Variants in GMCL1 observed in about 807,000 individuals in gnomAD.
GMCL1 encodes germ cell-less protein-like 1.
Under a neutral mutation model 75.5 loss-of-function variants are expected in GMCL1, and 54 were observed. The observed-to-expected ratio is 0.71, with a 90% CI of 0.57 to 0.90. The LOEUF (loss-of-function observed/expected upper bound fraction) is 0.90, where lower values mean the gene tolerates loss of function less well. Ranked by LOEUF, GMCL1 falls within the 40% of genes least tolerant of loss-of-function variation. The probability of loss-of-function intolerance (pLI) is 0.00; values close to 1 mark genes in which losing one functional copy is unlikely to be tolerated. For missense variants in GMCL1, 537 were observed against 622.7 expected, an observed-to-expected ratio of 0.86 and a Z score of 1.47; for synonymous variants, 210 against 209.6, an observed-to-expected ratio of 1.00 and a Z score of -0.02.
chr2:69,864,590 C>CTTTTTTTTT (rs534389389), intron 10 of GMCL1, among the ~76,000 whole-genome samples: 1 of 88,352 alleles, frequency 1.1e-5, no homozygotes, highest in African/African-American at 4.2e-5. Flanking sequence ...TAGACTTTTA[C>CTTTTTTTTT]TTTTTTTTTT....
In GMCL1 at chr2:69,881,234, A is replaced by G. The variant is rs1676265811; in HGVS notation, c.*2230A>G. 1 of 152,224 alleles carries G rather than the reference A, an allele frequency of 6.6e-6. No individual in the cohort carries two copies. Among genetic ancestry groups the G allele is most frequent in the Admixed American group, 6.5e-5 (1 of 15,282 alleles). 9.4% of individuals were successfully genotyped at this position (152,224 alleles called of 1,614,324 possible). ...AGTAGGTTAATGTTCTTATTTGAGAAGTTGATAATTGTCAGGTAGTAATTC... is the reference window on the plus strand; with the variant it reads ...AGTAGGTTAATGTTCTTATTTGAGAGGTTGATAATTGTCAGGTAGTAATTC... On this transcript the variant is annotated 3_prime_UTR_variant, in exon 14 of 14. Coordinates refer to ENST00000282570, the MANE Select transcript of GMCL1 (RefSeq NM_178439.5).
intron 9 of GMCL1, among the ~76,000 whole-genome samples, chr2:69,856,753 C>G (rs1382144632): frequency 6.7e-6 from 1 of 148,516 alleles, no homozygotes; most frequent in Non-Finnish European, 1.5e-5. Flanking sequence ...GACCACCGTC[C>G]TAGCCCCCTC....
chr2:69,856,302 A>C (rs969413741), intron 9 of GMCL1, among the ~76,000 whole-genome samples: 1 of 152,232 alleles, frequency 6.6e-6, no homozygotes, highest in Non-Finnish European at 1.5e-5. Flanking sequence ...GTTAACGTTA[A>C]TCAAAGTTAG....
intron 4 of GMCL1, 27 bp from the exon 5 acceptor site, chr2:69,843,122 C>T (rs1675033514): frequency 7.6e-7 from 1 of 1,319,642 alleles, no homozygotes; most frequent in Non-Finnish European, 1.1e-6. Flanking sequence ...TGAAATGGGC[C>T]TTTCCAGTGC....
chr2:69,831,365 TA>T (rs35210190), intron 1 of GMCL1, among the ~76,000 whole-genome samples: 90,878 of 152,082 alleles, frequency 0.6, 29,702 homozygotes, highest in African/African-American at 0.87. Context: ...TTGTATTTAT[TA>T]TACAAAAATG....
intron 4 of GMCL1, among the ~76,000 whole-genome samples, chr2:69,842,126 A>G (rs927180254): frequency 2.0e-5 from 3 of 152,226 alleles, no homozygotes; most frequent in African/African-American, 2.4e-5. Context: ...AACTTGTTGC[A>G]TTCGTCCAAG....
At chr2:69,841,659 G>A (rs1399473406) in intron 4 of GMCL1, among the ~76,000 whole-genome samples, 1 of 152,200 alleles carries the variant, frequency 6.6e-6, no homozygotes, top group Non-Finnish European at 1.5e-5. Context: ...AGTAAGAGCT[G>A]TTCAATATTA....
At chr2:69,835,403 A>C (rs1674790645) in intron 1 of GMCL1, among the ~76,000 whole-genome samples, 1 of 151,600 alleles carries the variant, frequency 6.6e-6, no homozygotes. Flanking sequence ...TCCCTGAATT[A>C]TATGTTTCCA....
intron 12 of GMCL1, among the ~76,000 whole-genome samples, chr2:69,870,930 A>C (rs1339050095): frequency 6.6e-6 from 1 of 152,232 alleles, no homozygotes; most frequent in Non-Finnish European, 1.5e-5. Context: ...GCTCGTGGCC[A>C]TGTAAAATGG....
intron 9 of GMCL1, among the ~76,000 whole-genome samples, chr2:69,855,974 T>C (rs776873447): frequency 3.3e-5 from 5 of 152,212 alleles, no homozygotes; most frequent in Non-Finnish European, 5.9e-5. Flanking sequence ...GTGCCTGTGA[T>C]GCAAGTGGAT....
chr2:69,852,041 CTA>C (rs1258521538), intron 8 of GMCL1, among the ~76,000 whole-genome samples: 5 of 151,692 alleles, frequency 3.3e-5, no homozygotes, highest in Admixed American at 2.6e-4. Flanking sequence ...TAAAGAAGGA[CTA>C]GGGAAATTAT....
At chr2:69,853,909 T>A (rs2103994198) in intron 8 of GMCL1, among the ~76,000 whole-genome samples, 1 of 151,438 alleles carries the variant, frequency 6.6e-6, no homozygotes, top group South Asian at 2.1e-4. Flanking sequence ...TTTAAGCAAT[T>A]CTCTGCCTCA....
Position 69,829,721 on chromosome 2 carries a change from C to T in GMCL1, c.-172C>T, listed in dbSNP as rs952899962. The T allele has an allele frequency of 1.7e-5, 12 of 722,780 alleles. No individual in the cohort carries two copies. The highest frequency in any genetic ancestry group is 3.0e-5 in the East Asian group (1 of 33,390). 44.8% of individuals were successfully genotyped at this position (722,780 alleles called of 1,614,324 possible). ...TGCTAGAGCGCGGCGCGACCGGACGCTGCGGGCGGGGAAGAGGATGGAGAC... is the reference window on the plus strand; with the variant it reads ...TGCTAGAGCGCGGCGCGACCGGACGTTGCGGGCGGGGAAGAGGATGGAGAC... On this transcript the variant is annotated 5_prime_UTR_variant, in exon 1 of 14. Transcript: ENST00000282570.
At position 69,854,856 on chromosome 2, in the gene GMCL1, A is replaced by G. The variant is rs1190413126; in HGVS notation, c.968A>G (p.Gln323Arg). Residue 323 changes from glutamine to arginine, a missense_variant, in exon 9 of 14, where the codon CAA becomes CGA. Coordinates refer to ENST00000282570, the MANE Select transcript of GMCL1 (RefSeq NM_178439.5). ...GGTATGGCCTTTCTTGAAACTGAAC[A>G]AGGAAAACCATTTGTGTCAGTATTC... The part of the protein sequence containing the change: ...FEGMAFLETE[Q>R]GKPFVSVFRH... 1 of 1,611,038 alleles carries G rather than the reference A, an allele frequency of 6.2e-7. No homozygotes were observed. Among genetic ancestry groups the G allele is most frequent in the Non-Finnish European group, 8.5e-7 (1 of 1,178,828 alleles).
At chr2:69,865,722 T>C (rs978850272) in intron 11 of GMCL1, among the ~76,000 whole-genome samples, 10 of 152,030 alleles carry the variant, frequency 6.6e-5, no homozygotes, top group African/African-American at 2.4e-4. Context: ...TTAAAAACAA[T>C]ACTTACCCCT....
intron 12 of GMCL1, 147 bp downstream of exon 12, chr2:69,870,011 G>C (rs1675942316): frequency 2.8e-6 from 2 of 709,924 alleles, no homozygotes; most frequent in East Asian, 5.7e-5. Context: ...CTCCATTCCT[G>C]TGAAATCTAT....
chr2:69,869,450 T>C, intron 11 of GMCL1: 1 of 279,318 alleles, frequency 3.6e-6, no homozygotes, highest in Admixed American at 5.1e-5. Context: ...AGCCTTATTA[T>C]TTATGGTAGA....
In GMCL1 at chr2:69,880,607, C is replaced by G. The variant is rs1471688145; in HGVS notation, c.*1603C>G. The stretch of plus-strand genomic sequence containing the variant: ...TTGTAAGCCCAGCACTTTGGGAGGC[C>G]GAGGCAGGCAGATCATCTGAGGTCA... On this transcript the variant is annotated 3_prime_UTR_variant, in exon 14 of 14. Coordinates refer to ENST00000282570, the MANE Select transcript of GMCL1 (RefSeq NM_178439.5). 1 of 152,108 alleles carries G rather than the reference C, an allele frequency of 6.6e-6. No individual in the cohort carries two copies. Among genetic ancestry groups the G allele is most frequent in the African/African-American group, 2.4e-5 (1 of 41,380 alleles). 9.4% of individuals were successfully genotyped at this position (152,108 alleles called of 1,614,324 possible).
At chr2:69,830,471 C>G (rs1414637734) in intron 1 of GMCL1, among the ~76,000 whole-genome samples, 2 of 152,234 alleles carry the variant, frequency 1.3e-5, no homozygotes, top group Non-Finnish European at 2.9e-5. Flanking sequence ...CCTTCCCAGT[C>G]CACCTTTGCC....
Sources: gnomAD v4.1 joint callset for allele counts (sites outside exome capture counted in the v4.1 genomes callset) on GRCh38, gnomAD v4.1.1 for gene constraint, MANE v1.5 for transcripts, NCBI Gene and HGNC (gene_info 2026-07-23, HGNC 2026-07-21) for gene names.